Variants in CACNA1S observed in about 807,000 individuals in gnomAD.
CACNA1S encodes calcium voltage-gated channel subunit alpha1 S.
CACNA1S carries 126 observed loss-of-function variants against 207.4 expected under a neutral mutation model. That is an observed-to-expected ratio of 0.61 (90% CI 0.53 to 0.70). The LOEUF (loss-of-function observed/expected upper bound fraction) is 0.70. Ranked by LOEUF, CACNA1S falls within the 30% of genes least tolerant of loss-of-function variation. CACNA1S has a pLI of 0.00. For missense variants in CACNA1S, 2,349 were observed against 2,422.8 expected (o/e 0.97, Z 0.64); for synonymous variants, 960 against 932.7 (o/e 1.03, Z -0.53).
At position 201,050,498 on chromosome 1, in the gene CACNA1S, CCA is replaced by C. The variant is rs1660613431; in HGVS notation, c.4130_4131del (p.Val1377GlyfsTer8). 2 of 1,613,970 alleles carry C rather than the reference CCA, an allele frequency of 1.2e-6. No homozygotes were observed. Among genetic ancestry groups the C allele is most frequent in the Non-Finnish European group, 1.7e-6 (2 of 1,180,024 alleles). Reference sequence around the variant, plus strand: ...TAGTCAAAATTGTCCATGATGACAGCCACAAAGAGGTTGATGACCTGCAAGAG... The same window carrying C: ...TAGTCAAAATTGTCCATGATGACAGCCAAAGAGGTTGATGACCTGCAAGAG... ...LCAFLVINLF[V>X]AVIMDNFDYL... On this transcript the variant is annotated frameshift_variant, in exon 34 of 44. Coordinates refer to ENST00000362061, the MANE Select transcript of CACNA1S (RefSeq NM_000069.3). LOFTEE classifies it high-confidence loss of function.
chr1:201,048,069 G>A (rs1052691804), intron 36 of CACNA1S, among the ~76,000 whole-genome samples: 4 of 152,248 alleles, frequency 2.6e-5, no homozygotes, highest in African/African-American at 7.2e-5. Flanking sequence ...GTCCCCATGT[G>A]GGGATGGACC....
intron 40 of CACNA1S, chr1:201,042,877 A>C: frequency 4.3e-6 from 1 of 232,478 alleles, no homozygotes; most frequent in South Asian, 5.6e-5. Flanking sequence ...GGTTGGTGAG[A>C]TGGGAACCAC....
At position 201,075,506 on chromosome 1, in the gene CACNA1S, A is replaced by G; in HGVS notation, c.1937T>C (p.Val646Ala). The change falls in exon 13 of 44, where the codon GTC becomes GCC. Residue 646 changes from valine (V) to alanine (A), a missense_variant. Transcript: ENST00000362061. ...TCCCGAGAGGATACAGTTGCCACAG[A>G]CGAAAAGGATGATGAAGTAAATGCA... ...LVCIYFIILF[V>A]CGNYILLNVF... 3.1e-6 allele frequency: 5 copies of G among 1,613,216 alleles called. No individual in the cohort carries two copies. The highest frequency in any genetic ancestry group is 4.2e-6 in the Non-Finnish European group (5 of 1,179,856).
intron 28 of CACNA1S, among the ~76,000 whole-genome samples, chr1:201,058,122 G>T (rs1156756078): frequency 1.3e-5 from 2 of 152,162 alleles, no homozygotes; most frequent in African/African-American, 2.4e-5. Context: ...CCACCTCCAT[G>T]AAGCCTTCTC....
rs1047111890 is a variant in CACNA1S, at chr1:201,066,576, C to T, written c.2658-260G>A. Among the ~76,000 whole-genome samples, 4 of 152,176 alleles carry T rather than the reference C, an allele frequency of 2.6e-5. No individual in the cohort carries two copies. Among genetic ancestry groups the T allele is most frequent in the South Asian group, 2.1e-4 (1 of 4,826 alleles). On this transcript the variant is annotated intron_variant, in intron 20 of 43. Transcript: ENST00000362061. This position sits in a 1 kb window ranked among gnomAD's most constrained non-coding sequence, Gnocchi z 4.3. ...TTCCCCTGTGGGTGGCTAGAAGCTC[C>T]GTCCCTCCCGTCAGACGGTGAGCAC...
rs772914754 is a variant in CACNA1S at position 201,077,868 on chromosome 1, C to T, written c.1619+11G>A. ...GGGGACCCGGGAGTGCCAGCCGACC[C>T]CGGCACTCACTTGGTGATCTTGAAG... On this transcript the variant is annotated intron_variant, in intron 11 of 43. Transcript: ENST00000362061. 5 of 1,607,596 alleles carry T rather than the reference C, an allele frequency of 3.1e-6. No individual in the cohort carries two copies. In the East Asian group the frequency reaches 1.1e-4, roughly 36 times the overall value.
intron 28 of CACNA1S, among the ~76,000 whole-genome samples, chr1:201,057,071 T>C (rs1046376820): frequency 1.3e-5 from 2 of 152,238 alleles, no homozygotes; most frequent in Non-Finnish European, 2.9e-5. Flanking sequence ...GCCACAGTGA[T>C]TGTTTTAGAA....
intron 23 of CACNA1S, 120 bp downstream of exon 23, chr1:201,062,342 T>G: frequency 9.1e-7 from 1 of 1,094,330 alleles, no homozygotes; most frequent in African/African-American, 1.5e-5. Context: ...TGCCCTGTGA[T>G]CGTCCTGCCA....
At chr1:201,091,932 G>A in intron 4 of CACNA1S, 40 bp downstream of exon 4, 1 of 1,613,196 alleles carries the variant, frequency 6.2e-7, no homozygotes, top group Non-Finnish European at 8.5e-7. Context: ...GGAACAGGAA[G>A]GGAGAGGAGA....
In CACNA1S at chr1:201,068,231, CTTTTTTTTTTTTTTTT is replaced by C. The variant is rs60151209; in HGVS notation, c.2550+890_2550+905del. Among the ~76,000 whole-genome samples the C allele has an allele frequency of 8.5e-5, 4 of 46,958 alleles. 1 individual carries two copies. The highest frequency in any genetic ancestry group is 1.0e-4 in the African/African-American group (1 of 9,856). 30.8% of individuals were successfully genotyped at this position (46,958 alleles called of 152,430 possible). On this transcript the variant is annotated intron_variant, in intron 19 of 43. Transcript: ENST00000362061. Reference sequence around the variant, plus strand: ...AATCACACAGCTCCCCGGCTCTGCTCTTTTTTTTTTTTTTTTTTTTTTTTTTTTTTGAGATGGAGTC... The same window carrying C: ...AATCACACAGCTCCCCGGCTCTGCTCTTTTTTTTTTTTTTGAGATGGAGTC...
intron 3 of CACNA1S, 51 bp from the exon 4 acceptor site, chr1:201,092,165 G>A: frequency 6.2e-7 from 1 of 1,610,182 alleles, no homozygotes. Context: ...AAAAGCCACT[G>A]CCCCAGTGGT....
intron 10 of CACNA1S, among the ~76,000 whole-genome samples, chr1:201,078,687 C>T (rs1248822529): frequency 6.6e-6 from 1 of 152,076 alleles, no homozygotes; most frequent in Non-Finnish European, 1.5e-5. Context: ...AGAGAAGGGT[C>T]CTGCCACCTA....
At chr1:201,079,847 C>T (rs1277278362) in intron 10 of CACNA1S, among the ~76,000 whole-genome samples, 1 of 152,160 alleles carries the variant, frequency 6.6e-6, no homozygotes, top group Non-Finnish European at 1.5e-5. Context: ...AGAATTGCTG[C>T]AACATTCTGT....
intron 25 of CACNA1S, 87 bp from the exon 26 acceptor site, chr1:201,060,903 C>T: frequency 6.5e-7 from 1 of 1,532,344 alleles, no homozygotes; most frequent in Non-Finnish European, 9.0e-7. Flanking sequence ...ACGGGCAAGT[C>T]AGGAGCAGCT....
chr1:201,068,603 T>C (rs755964870), intron 19 of CACNA1S, among the ~76,000 whole-genome samples: 54 of 148,622 alleles, frequency 3.6e-4, no homozygotes, highest in Admixed American at 8.0e-4. Context: ...CTGGGCGAGG[T>C]GGCTCATGCC....
intron 24 of CACNA1S, 37 bp from the exon 25 acceptor site, chr1:201,061,505 G>C: frequency 6.3e-7 from 1 of 1,591,480 alleles, no homozygotes; most frequent in Non-Finnish European, 8.6e-7. Context: ...AGACTGGGTG[G>C]GGTGACAAGG....
intron 2 of CACNA1S, among the ~76,000 whole-genome samples, chr1:201,100,897 A>G (rs947392440): frequency 2.0e-5 from 3 of 151,898 alleles, no homozygotes; most frequent in African/African-American, 7.3e-5. Context: ...ATTTGTATAC[A>G]TTTTTGTATT....
rs926062803 is a variant in CACNA1S, at chr1:201,045,719, C to T, written c.4669-1263G>A. Reference sequence around the variant, plus strand: ...CTCTGCACTCCAGCCTGGGCGACAGCGAGACTCTTGTCTCCAAAAAAAAAA... The same window carrying T: ...CTCTGCACTCCAGCCTGGGCGACAGTGAGACTCTTGTCTCCAAAAAAAAAA... On this transcript the variant is annotated intron_variant, in intron 38 of 43. Coordinates refer to ENST00000362061, the MANE Select transcript of CACNA1S (RefSeq NM_000069.3). Among the ~76,000 whole-genome samples, 23 of 116,134 alleles carry T rather than the reference C, an allele frequency of 2.0e-4. No homozygotes were observed. In the Admixed American group the frequency reaches 2.0e-3, roughly 10 times the overall value. The allele number at this position is 116,134 out of a possible 152,430, so 76.2% of individuals were successfully genotyped here. A position where few individuals can be genotyped will look rare whatever the true frequency, so the allele number is the denominator to read the frequency against.
Position 201,041,539 on chromosome 1 carries a change from C to G in CACNA1S, c.5099G>C (p.Arg1700Thr). 6.2e-7 allele frequency: 1 copy of G among 1,614,194 alleles called. No individual in the cohort carries two copies. Among genetic ancestry groups the G allele is most frequent in the Non-Finnish European group, 8.5e-7 (1 of 1,180,010 alleles). The change falls in exon 41 of 44, where the codon AGA becomes ACA. Residue 1700 changes from arginine (R) to threonine (T), a missense_variant. Coordinates refer to ENST00000362061, the MANE Select transcript of CACNA1S (RefSeq NM_000069.3). ...GCAGGGTTGGCCAAGGGCTCGTCCT[C>G]TGGTAGCAGGCGTCTCTGTCTCTTC... is the stretch of plus-strand genomic sequence containing the variant. Reference protein sequence around the residue: ...FPEETETPATRGRALGQPCRV... With the variant: ...FPEETETPATTGRALGQPCRV...
Sources: gnomAD v4.1 joint callset for allele counts (sites outside exome capture counted in the v4.1 genomes callset) on GRCh38, gnomAD v4.1.1 for gene constraint, Gnocchi (gnomAD v3.1) non-coding constraint, MANE v1.5 for transcripts, NCBI Gene and HGNC (gene_info 2026-07-23, HGNC 2026-07-21) for gene names.